The following KRT2 variants were observed in gnomAD, a reference collection of about 807,000 sequenced individuals.
KRT2 encodes the protein keratin 2.
In KRT2, 37 loss-of-function variants were observed where a neutral mutation model predicts 48.5. The ratio of observed to expected loss-of-function variants is 0.76; its 90% CI spans 0.59 to 1.00. The LOEUF is 1.00. Among genes scored for constraint, KRT2 ranks in the 50% least tolerant of loss-of-function variants. The probability of loss-of-function intolerance (pLI) is 0.00; values close to 1 mark genes in which losing one functional copy is unlikely to be tolerated. For synonymous variants in KRT2, 324 were observed against 312.2 expected (o/e 1.04, Z -0.40); for missense variants, 880 against 815.2 (o/e 1.08, Z -0.97).
At position 52,644,763 on chromosome 12, in the gene KRT2, T is replaced by A. The variant is rs1592254477; in HGVS notation, c.*256A>T. The A allele has an allele frequency of 1.8e-6, 1 of 551,440 alleles. No individual in the cohort carries two copies. The highest frequency in any genetic ancestry group is 3.2e-6 in the Non-Finnish European group (1 of 308,606). 34.2% of individuals were successfully genotyped at this position (551,440 alleles called of 1,614,324 possible). On this transcript the variant is annotated 3_prime_UTR_variant, in exon 9 of 9. Transcript: ENST00000309680. Reference sequence around the variant, plus strand: ...CAAAGAGGCATGGTGGGGGCGGGAATGGGCATGGCTAGAAGCACAAACCTA... The same window carrying A: ...CAAAGAGGCATGGTGGGGGCGGGAAAGGGCATGGCTAGAAGCACAAACCTA...
In KRT2 at chr12:52,644,696, C is replaced by T; in HGVS notation, c.*323G>A. 2.5e-6 allele frequency: 1 copy of T among 403,684 alleles called. No individual in the cohort carries two copies. Among genetic ancestry groups the T allele is most frequent in the East Asian group, 5.7e-5 (1 of 17,682 alleles). 25.0% of individuals were successfully genotyped at this position (403,684 alleles called of 1,614,324 possible). ...CTTAGAGATGAAATCCCTGGATGGG[C>T]CTGGGTCCTCAACAGAATACACATC... On this transcript the variant is annotated 3_prime_UTR_variant, in exon 9 of 9. Coordinates refer to ENST00000309680, the MANE Select transcript of KRT2 (RefSeq NM_000423.3).
intron 5 of KRT2, 71 bp downstream of exon 5, chr12:52,648,102 A>G: frequency 6.5e-7 from 1 of 1,527,534 alleles, no homozygotes; most frequent in Non-Finnish European, 9.1e-7. Flanking sequence ...CTTACTGTAC[A>G]CTTTCCAGCT....
chr12:52,645,730 C>T (rs1941154159), intron 7 of KRT2, among the ~76,000 whole-genome samples, 161 bp from the exon 8 acceptor site: 1 of 152,210 alleles, frequency 6.6e-6, no homozygotes, highest in South Asian at 2.1e-4. Flanking sequence ...CACACAATGA[C>T]GACAGACCCC....
rs753498291 is a variant in KRT2 at position 52,651,824 on chromosome 12, CGCTGCCACCTCCAAAGCT to C, written c.301_318del (p.Ser101_Ser106del). 1 of 1,603,384 alleles carries C rather than the reference CGCTGCCACCTCCAAAGCT, an allele frequency of 6.2e-7. No individual in the cohort carries two copies. Among genetic ancestry groups the C allele is most frequent in the Non-Finnish European group, 8.5e-7 (1 of 1,173,800 alleles). On this transcript the variant is annotated inframe_deletion, in exon 1 of 9. Transcript: ENST00000309680. Reference sequence around the variant, plus strand: ...CCACCGAAACCACCACCACTGAAGCCGCTGCCACCTCCAAAGCTGCTGCCGCCTCCAAAACCACCTCCT... The same window carrying C: ...CCACCGAAACCACCACCACTGAAGCCGCTGCCGCCTCCAAAACCACCTCCT...
intron 4 of KRT2, 22 bp downstream of exon 4, chr12:52,648,985 T>C (rs754364541): frequency 1.4e-6 from 2 of 1,425,900 alleles, no homozygotes; most frequent in South Asian, 2.3e-5. Flanking sequence ...AGTAAGGGAC[T>C]GTCCCGGAGC....
chr12:52,650,335 C>G lies in KRT2; in HGVS notation c.800+4G>C. The G allele has an allele frequency of 6.2e-7, 1 of 1,612,892 alleles. No homozygotes were observed. Among genetic ancestry groups the G allele is most frequent in the South Asian group, 1.1e-5 (1 of 91,032 alleles). Reference sequence around the variant, plus strand: ...TCCACTCAGCGTTTCACTCTGCCACCTACTTCTTCTTATAATCCTCCACAA... The same window carrying G: ...TCCACTCAGCGTTTCACTCTGCCACGTACTTCTTCTTATAATCCTCCACAA... On this transcript the variant is annotated splice_donor_region_variant and intron_variant, in intron 2 of 8. Coordinates refer to ENST00000309680, the MANE Select transcript of KRT2 (RefSeq NM_000423.3).
chr12:52,647,105 T>G, intron 6 of KRT2, 145 bp from the exon 7 acceptor site: 7 of 747,810 alleles, frequency 9.4e-6, no homozygotes, highest in Non-Finnish European at 1.4e-5. Flanking sequence ...GTGCTAAGAC[T>G]TGCCGCTGTC....
At chr12:52,650,284 T>C in intron 2 of KRT2, 55 bp downstream of exon 2, 2 of 1,467,978 alleles carry the variant, frequency 1.4e-6, no homozygotes, top group Non-Finnish European at 1.9e-6. Context: ...CAGGGAGTGA[T>C]CAAATGGCTC....
At position 52,644,923 on chromosome 12, in the gene KRT2, T is replaced by G. The variant is rs1436046189; in HGVS notation, c.*96A>C. The stretch of plus-strand genomic sequence containing the variant: ...GCCATCAGAGATAAATGACAAAAAT[T>G]TAACTTGCTGCCAGTTAGAGGTACA... On this transcript the variant is annotated 3_prime_UTR_variant, in exon 9 of 9. Coordinates refer to ENST00000309680, the MANE Select transcript of KRT2 (RefSeq NM_000423.3). 7.2e-7 allele frequency: 1 copy of G among 1,381,292 alleles called. No homozygotes were observed. Among genetic ancestry groups the G allele is most frequent in the African/African-American group, 1.4e-5 (1 of 69,100 alleles). 85.6% of individuals were successfully genotyped at this position (1,381,292 alleles called of 1,614,324 possible).
chr12:52,645,138 C>T lies in KRT2; in HGVS notation c.1801G>A (p.Gly601Ser), dbSNP rs1941143452. The change falls in exon 9 of 9, where the codon GGC becomes AGC. Residue 601 changes from glycine to serine, a missense_variant. Gly to Ser is a moderately conservative substitution (Grantham distance 56, BLOSUM62 0). Coordinates refer to ENST00000309680, the MANE Select transcript of KRT2 (RefSeq NM_000423.3). ...CCAGAGCTGGAGCCTCCTCTAGAGCCACCTCCAGAGCTGTGTTTTCCACCT... is the reference window on the plus strand; with the variant it reads ...CCAGAGCTGGAGCCTCCTCTAGAGCTACCTCCAGAGCTGTGTTTTCCACCT... Reference protein sequence around the residue: ...SGGGKHSSGGGSRGGSSSGGG... With the variant: ...SGGGKHSSGGSSRGGSSSGGG... 1 of 1,613,622 alleles carries T rather than the reference C, an allele frequency of 6.2e-7. No individual in the cohort carries two copies. Among genetic ancestry groups the T allele is most frequent in the African/African-American group, 1.3e-5 (1 of 74,832 alleles).
chr12:52,647,085 G>A (rs1278511785), intron 6 of KRT2, 125 bp from the exon 7 acceptor site: 6 of 830,896 alleles, frequency 7.2e-6, no homozygotes, highest in South Asian at 4.2e-5. Flanking sequence ...GAGTTTAGTC[G>A]CAAACAACTG....
At chr12:52,648,429 C>A in intron 4 of KRT2, 92 bp from the exon 5 acceptor site, 1 of 1,047,734 alleles carries the variant, frequency 9.5e-7, no homozygotes, top group Non-Finnish European at 1.5e-6. Context: ...GAAACGCAGA[C>A]CCTCAGACTA....
intron 1 of KRT2, among the ~76,000 whole-genome samples, 176 bp downstream of exon 1, chr12:52,651,382 T>C (rs1344796017): frequency 1.3e-5 from 2 of 152,222 alleles, no homozygotes; most frequent in African/African-American, 4.8e-5. Flanking sequence ...CAGGCTGTTA[T>C]GGGAAATGTA....
rs1419581533 is a variant in KRT2 at position 52,646,743 on chromosome 12, C to G, written c.1466G>C (p.Cys489Ser). The G allele has an allele frequency of 1.2e-6, 2 of 1,614,098 alleles. No homozygotes were observed. The highest frequency in any genetic ancestry group is 1.7e-6 in the Non-Finnish European group (2 of 1,179,996). ...TCTCCCTTCCCAGTGCCCTCACCTG[C>G]ACTCCTCGCCCTCCAGCAGTTTGCG... The part of the protein sequence containing the change: ...TYRKLLEGEE[C>S]RMSGDLSSNV... The change falls in exon 7 of 9, where the codon TGC (cysteine) becomes TCC (serine). Residue 489 changes from cysteine (C) to serine (S), a missense_variant. By Grantham distance (112) the Cys-to-Ser change is moderately radical. Coordinates refer to ENST00000309680, the MANE Select transcript of KRT2 (RefSeq NM_000423.3).
intron 2 of KRT2, 86 bp downstream of exon 2, chr12:52,650,253 A>G (rs1941228266): frequency 8.6e-7 from 1 of 1,160,154 alleles, no homozygotes; most frequent in Non-Finnish European, 1.3e-6. Context: ...CACAAATGCA[A>G]CTGGGAGATG....
chr12:52,649,248 T>C lies in KRT2; in HGVS notation c.862-146A>G, dbSNP rs570241247. On this transcript the variant is annotated intron_variant, in intron 3 of 8. Transcript: ENST00000309680. ...GATCCCTGTCCCCATGGGACTTCTT[T>C]TGTCGTGCAGTTTACCATACACCTC... The C allele has an allele frequency of 1.1e-4, 78 of 686,628 alleles. 2 individuals carry two copies. In the South Asian group the frequency reaches 1.2e-3, roughly 10 times the overall value. The allele number at this position is 686,628 out of a possible 1,614,324, so 42.5% of individuals were successfully genotyped here. A position where few individuals can be genotyped will look rare whatever the true frequency, so the allele number is the denominator to read the frequency against.
At position 52,645,101 on chromosome 12, in the gene KRT2, C is replaced by A; in HGVS notation, c.1838G>T (p.Gly613Val). The change falls in exon 9 of 9, where the codon GGC becomes GTC. Residue 613 changes from glycine to valine, a missense_variant. Gly to Val is a moderately radical substitution (Grantham distance 109, BLOSUM62 -3). Coordinates refer to ENST00000309680, the MANE Select transcript of KRT2 (RefSeq NM_000423.3). ...RGGSSSGGGY[G>V]SGGGGSSSVK... ...AGAGCTAGAACCCCCACCTCCAGAGCCATATCCTCCTCCAGAGCTGGAGCC... is the reference window on the plus strand; with the variant it reads ...AGAGCTAGAACCCCCACCTCCAGAGACATATCCTCCTCCAGAGCTGGAGCC... 6.2e-7 allele frequency: 1 copy of A among 1,613,944 alleles called. No homozygotes were observed. The highest frequency in any genetic ancestry group is 8.5e-7 in the Non-Finnish European group (1 of 1,180,024).
intron 6 of KRT2, 109 bp from the exon 7 acceptor site, chr12:52,647,069 C>A (rs929658236): frequency 1.0e-6 from 1 of 983,564 alleles, no homozygotes; most frequent in Admixed American, 1.8e-5. Context: ...TGTTAGGTCC[C>A]CTCTGGAGTT....
Position 52,649,895 on chromosome 12 carries a change from A to C in KRT2, c.861+19T>G. The C allele has an allele frequency of 6.2e-7, 1 of 1,607,816 alleles. No individual in the cohort carries two copies. Among genetic ancestry groups the C allele is most frequent in the East Asian group, 2.2e-5 (1 of 44,850 alleles). On this transcript the variant is annotated intron_variant, in intron 3 of 8. Transcript: ENST00000309680. ...AGCACTCCTATCCCCACCCCCAGCC[A>C]AGACATTCTCTCGCTCACCTTTTTA...
Sources: allele counts gnomAD v4.1 joint callset (sites outside exome capture counted in the v4.1 genomes callset), GRCh38; gene constraint gnomAD v4.1.1; transcripts MANE v1.5; gene names NCBI Gene and HGNC (gene_info 2026-07-23, HGNC 2026-07-21).